The following WDR59 variants were observed in gnomAD, a reference collection of about 807,000 sequenced individuals.
The protein encoded by WDR59 is GATOR2 complex protein WDR59.
In WDR59, 100 loss-of-function variants were observed where a neutral mutation model predicts 131.2. That is an observed-to-expected ratio of 0.76 (90% CI 0.65 to 0.90). WDR59 has a LOEUF of 0.90. Among genes scored for constraint, WDR59 ranks in the 40% least tolerant of loss-of-function variants. The probability of loss-of-function intolerance (pLI) is 0.00; values close to 1 mark genes in which losing one functional copy is unlikely to be tolerated. For synonymous variants in WDR59, 601 were observed against 466.2 expected, an observed-to-expected ratio of 1.29 and a Z score of -3.72; for missense variants, 1,203 against 1,262.2, an observed-to-expected ratio of 0.95 and a Z score of 0.71.
intron 16 of WDR59, 117 bp downstream of exon 16, chr16:74,909,384 G>A (rs1449074463): frequency 1.9e-5 from 25 of 1,312,976 alleles, no homozygotes; most frequent in South Asian, 5.7e-5. Context: ...TGAAAGTCTC[G>A]TTTGAGTTCT....
chr16:74,878,962 G>C (rs768623947), intron 25 of WDR59, among the ~76,000 whole-genome samples: 2 of 152,184 alleles, frequency 1.3e-5, no homozygotes, highest in Non-Finnish European at 2.9e-5. Flanking sequence ...TAGAAACTTA[G>C]AGAAAACATG....
chr16:74,948,786 G>A (rs2032807718), intron 5 of WDR59, among the ~76,000 whole-genome samples: 2 of 152,062 alleles, frequency 1.3e-5, no homozygotes, highest in African/African-American at 4.8e-5. Context: ...CGGATCACCC[G>A]AGGTCAGAGT....
rs59758941 is a variant in WDR59 at position 74,947,397 on chromosome 16, A to C, written c.445+1122T>G. On this transcript the variant is annotated intron_variant, in intron 6 of 25. Coordinates refer to ENST00000262144, the MANE Select transcript of WDR59 (RefSeq NM_030581.4). ...GTCTCAAAAACAAAACAAAACAAAA[A>C]AAATATGCAGATACAATCAGTGTAA... Among the ~76,000 whole-genome samples, 1,189 of 152,232 alleles carry C rather than the reference A, an allele frequency of 7.8e-3. 15 individuals carry two copies. Among genetic ancestry groups the C allele is most frequent in the African/African-American group, 0.025 (1,047 of 41,526 alleles).
chr16:74,962,570 G>C (rs1166222759), intron 2 of WDR59, among the ~76,000 whole-genome samples: 1 of 152,006 alleles, frequency 6.6e-6, no homozygotes, highest in African/African-American at 2.4e-5. Flanking sequence ...GTTCATTCAT[G>C]ATTTGGCTCT....
chr16:74,905,265 C>T lies in WDR59; in HGVS notation c.1713-1165G>A, dbSNP rs556182937. ...TGGCGCATGCCTATAATCCCAGCTA[C>T]TCGGGAGGTTGAGGCAGGAGAATCA... On this transcript the variant is annotated intron_variant, in intron 17 of 25. Coordinates refer to ENST00000262144, the MANE Select transcript of WDR59 (RefSeq NM_030581.4). 1.6e-3 allele frequency among the ~76,000 whole-genome samples: 250 copies of T among 152,208 alleles called. 6 individuals carry two copies. The highest frequency in any genetic ancestry group is 1.9e-3 in the Non-Finnish European group (132 of 68,002).
At chr16:74,878,289 A>G (rs1441385651) in intron 25 of WDR59, among the ~76,000 whole-genome samples, 2 of 152,256 alleles carry the variant, frequency 1.3e-5, no homozygotes, top group Non-Finnish European at 2.9e-5. Flanking sequence ...AAGGATACTC[A>G]TATCTATTAC....
intron 8 of WDR59, among the ~76,000 whole-genome samples, chr16:74,926,058 A>T (rs920684342): frequency 1.0e-5 from 1 of 98,004 alleles, no homozygotes; most frequent in Non-Finnish European, 2.2e-5. Context: ...AAGTCTAATA[A>T]ATTTTTTTTT....
chr16:74,975,377 A>C (rs1262271929), intron 1 of WDR59, among the ~76,000 whole-genome samples: 6 of 151,732 alleles, frequency 4.0e-5, no homozygotes, highest in Non-Finnish European at 5.9e-5. Flanking sequence ...ACAAAAAAAA[A>C]CAAGGCTGGG....
chr16:74,934,572 C>T (rs1002781536), intron 8 of WDR59, among the ~76,000 whole-genome samples: 77 of 152,130 alleles, frequency 5.1e-4, no homozygotes, highest in African/African-American at 1.8e-3. Flanking sequence ...ATTCCATCCC[C>T]CCATTCACAG....
rs766425058 is a variant in WDR59 at position 74,871,614 on chromosome 16, A to T, written c.*2595T>A. On this transcript the variant is annotated 3_prime_UTR_variant, in exon 26 of 26. Coordinates refer to ENST00000262144, the MANE Select transcript of WDR59 (RefSeq NM_030581.4). Reference sequence around the variant, plus strand: ...CCTCCAACAATAAAACAAGAAAAACATCTCATTCTTGATGGGGACAGATAG... The same window carrying T: ...CCTCCAACAATAAAACAAGAAAAACTTCTCATTCTTGATGGGGACAGATAG... 7 of 152,244 alleles carry T rather than the reference A, an allele frequency of 4.6e-5. No homozygotes were observed. Among genetic ancestry groups the T allele is most frequent in the Non-Finnish European group, 1.0e-4 (7 of 68,044 alleles). 9.4% of individuals were successfully genotyped at this position (152,244 alleles called of 1,614,324 possible).
At chr16:74,932,818 G>A (rs1403355088) in intron 8 of WDR59, among the ~76,000 whole-genome samples, 1 of 152,130 alleles carries the variant, frequency 6.6e-6, no homozygotes, top group African/African-American at 2.4e-5. Context: ...CCAGTTAATA[G>A]GGTGAAAGGA....
intron 25 of WDR59, among the ~76,000 whole-genome samples, chr16:74,885,073 C>T (rs74589570): frequency 0.015 from 2,296 of 152,314 alleles, 42 homozygotes; most frequent in African/African-American, 0.05. Context: ...TAAGAGGAGT[C>T]GGACACACAG....
intron 1 of WDR59, 113 bp from the exon 2 acceptor site, chr16:74,965,935 G>A: frequency 2.9e-6 from 3 of 1,046,298 alleles, no homozygotes; most frequent in Non-Finnish European, 4.4e-6. Flanking sequence ...CAGCTCGCAG[G>A]TATCATTAGT....
chr16:74,899,761 A>G, intron 18 of WDR59: 1 of 1,289,194 alleles, frequency 7.8e-7, no homozygotes, highest in Non-Finnish European at 1.0e-6. Flanking sequence ...ACATCTGTGC[A>G]TGAAAACGTT....
chr16:74,887,552 T>A (rs1964826389), intron 23 of WDR59, 131 bp downstream of exon 23: 2 of 865,212 alleles, frequency 2.3e-6, no homozygotes, highest in Non-Finnish European at 3.5e-6. Context: ...AGAGTATCCC[T>A]ATCACAGTAA....
intron 8 of WDR59, among the ~76,000 whole-genome samples, chr16:74,932,991 A>T (rs2031518543): frequency 6.6e-6 from 1 of 152,228 alleles, no homozygotes; most frequent in Admixed American, 6.5e-5. Context: ...TATATATTAC[A>T]TGTTGACAAA....
chr16:74,939,161 G>C (rs759293804), intron 7 of WDR59, among the ~76,000 whole-genome samples: 1 of 151,860 alleles, frequency 6.6e-6, no homozygotes, highest in South Asian at 2.1e-4. Context: ...AGCTGGTCTC[G>C]AACTCCTGGC....
chr16:74,889,702 C>A lies in WDR59; in HGVS notation c.2195+1G>T. The stretch of plus-strand genomic sequence containing the variant: ...TCTCATTTTTAGCTCTCAAAACCTA[C>A]AGGGACTCCAGCAGCTGCCGCCCAA... On this transcript the variant is annotated splice_donor_variant, in intron 21 of 25. Transcript: ENST00000262144. LOFTEE classifies it high-confidence loss of function. 1 of 1,612,422 alleles carries A rather than the reference C, an allele frequency of 6.2e-7. No individual in the cohort carries two copies. Among genetic ancestry groups the A allele is most frequent in the East Asian group, 2.2e-5 (1 of 44,876 alleles).
intron 6 of WDR59, among the ~76,000 whole-genome samples, chr16:74,945,491 A>C (rs1284864726): frequency 1.3e-5 from 2 of 152,092 alleles, no homozygotes; most frequent in Non-Finnish European, 2.9e-5. Context: ...ATAAAAAAAA[A>C]AAAGAAACCT....
Sources: allele counts gnomAD v4.1 joint callset (sites outside exome capture counted in the v4.1 genomes callset), GRCh38; gene constraint gnomAD v4.1.1; transcripts MANE v1.5; gene names NCBI Gene and HGNC (gene_info 2026-07-23, HGNC 2026-07-21).